CNTN5: variants seen among roughly 807,000 people sequenced by gnomAD.
CNTN5 encodes the protein contactin 5, also known as contactin-5.
Under a neutral mutation model 129.1 loss-of-function variants are expected in CNTN5, and 77 were observed. That is an observed-to-expected ratio of 0.60 (90% CI 0.50 to 0.72). The LOEUF (loss-of-function observed/expected upper bound fraction) is 0.72. Among genes scored for constraint, CNTN5 ranks in the 30% least tolerant of loss-of-function variants. CNTN5 has a pLI of 0.00. For missense variants in CNTN5, 1,478 were observed against 1,328.8 expected (o/e 1.11, Z -1.75); for synonymous variants, 509 against 465.6 (o/e 1.09, Z -1.20).
intron 7 of CNTN5, among the ~76,000 whole-genome samples, chr11:99,945,202 A>G (rs1186459461): frequency 6.6e-6 from 1 of 152,092 alleles, no homozygotes; most frequent in Non-Finnish European, 1.5e-5. Flanking sequence ...CTGTATAAAG[A>G]GTAAAACTAC....
At chr11:99,925,493 A>G (rs574537747) in intron 7 of CNTN5, among the ~76,000 whole-genome samples, 2 of 152,288 alleles carry the variant, frequency 1.3e-5, no homozygotes, top group African/African-American at 2.4e-5. Flanking sequence ...GTTTGGAAAT[A>G]ATAGTCAAAA....
At chr11:100,338,947 G>C (rs1430694469) in intron 21 of CNTN5, among the ~76,000 whole-genome samples, 3 of 152,024 alleles carry the variant, frequency 2.0e-5, no homozygotes, top group Non-Finnish European at 4.4e-5. Context: ...CTGTAACCCT[G>C]GAACCCCAGA....
At chr11:99,436,908 A>T (rs1399173385) in intron 2 of CNTN5, among the ~76,000 whole-genome samples, 2 of 151,918 alleles carry the variant, frequency 1.3e-5, no homozygotes, top group African/African-American at 2.4e-5. Context: ...ATTTATAATA[A>T]CCTCTCCCTA....
chr11:99,729,120 T>G (rs1943445160), intron 3 of CNTN5, among the ~76,000 whole-genome samples: 1 of 152,192 alleles, frequency 6.6e-6, no homozygotes, highest in Non-Finnish European at 1.5e-5. Context: ...GATAGGCATC[T>G]TTATGTCTTT....
Position 99,916,076 on chromosome 11 carries a change from G to C in CNTN5, c.600G>C (p.Arg200=). 6.2e-7 allele frequency: 1 copy of C among 1,612,220 alleles called. No individual in the cohort carries two copies. Among genetic ancestry groups the C allele is most frequent in the East Asian group, 2.2e-5 (1 of 44,760 alleles). The change falls in exon 7 of 25, where the codon CGG becomes CGC. Residue 200 remains arginine, a synonymous_variant. Transcript: ENST00000524871. ...CAGATCTGGGAAATTTTAGTGGCCG[G>C]ACAAGAAGTGCAGTCTCTGTGAGGG... ...QFAYLGNFSG[R]TRSAVSVREG... is the part of the protein sequence containing the mutation.
intron 9 of CNTN5, among the ~76,000 whole-genome samples, chr11:100,018,255 T>G (rs1940940308): frequency 6.6e-6 from 1 of 151,930 alleles, no homozygotes; most frequent in Admixed American, 6.6e-5. Flanking sequence ...AATAAGCATA[T>G]CCAGTACCTA....
chr11:99,901,354 G>A (rs1032427986), intron 6 of CNTN5, among the ~76,000 whole-genome samples: 8 of 151,892 alleles, frequency 5.3e-5, no homozygotes, highest in African/African-American at 1.7e-4. Context: ...GCAGCGGCAC[G>A]ATCTTGGCTC....
chr11:99,880,543 T>C (rs1948745463), intron 6 of CNTN5, among the ~76,000 whole-genome samples: 1 of 152,150 alleles, frequency 6.6e-6, no homozygotes, highest in Non-Finnish European at 1.5e-5. Flanking sequence ...ATGAAATCCT[T>C]ATTTCATGCC....
At chr11:99,844,556 T>A (rs553167946) in intron 4 of CNTN5, 17 of 384,148 alleles carry the variant, frequency 4.4e-5, no homozygotes, top group Non-Finnish European at 6.8e-5. Context: ...TTATTATCCT[T>A]CAGTCTGATT....
At chr11:99,914,461 A>G (rs558449986) in intron 6 of CNTN5, among the ~76,000 whole-genome samples, 2 of 152,158 alleles carry the variant, frequency 1.3e-5, no homozygotes, top group Non-Finnish European at 2.9e-5. Flanking sequence ...ATGTTGTATT[A>G]TCTCATACAT....
Position 99,576,446 on chromosome 11 carries a change from A to G in CNTN5, c.55+20177A>G, listed in dbSNP as rs545762346. On this transcript the variant is annotated intron_variant, in intron 3 of 24. Coordinates refer to ENST00000524871, the MANE Select transcript of CNTN5 (RefSeq NM_014361.4). ...GGATATTTTCTCCTTATTGACATATAACCCTTTTGGTAGCCTTTCATTGAT... is the reference window on the plus strand; with the variant it reads ...GGATATTTTCTCCTTATTGACATATGACCCTTTTGGTAGCCTTTCATTGAT... Among the ~76,000 whole-genome samples the G allele has an allele frequency of 4.6e-5, 7 of 152,276 alleles. No homozygotes were observed. In the South Asian group the frequency reaches 1.2e-3, roughly 27 times the overall value.
intron 1 of CNTN5, among the ~76,000 whole-genome samples, chr11:99,288,353 T>A (rs185182549): frequency 6.6e-6 from 1 of 152,080 alleles, no homozygotes; most frequent in African/African-American, 2.4e-5. Flanking sequence ...AATGTTCCAA[T>A]GGTTCTCTGG....
Position 99,307,757 on chromosome 11 carries a change from C to A in CNTN5, c.-209-17589C>A, listed in dbSNP as rs185123210. Among the ~76,000 whole-genome samples the A allele has an allele frequency of 5.8e-4, 88 of 152,080 alleles. 1 individual carries two copies. Among genetic ancestry groups the A allele is most frequent in the African/African-American group, 2.1e-3 (86 of 41,486 alleles). On this transcript the variant is annotated intron_variant, in intron 1 of 24. Coordinates refer to ENST00000524871, the MANE Select transcript of CNTN5 (RefSeq NM_014361.4). ...ATGGGAGGCCTGTCAAGTTGGAGGCCAATTTTTTGCTATTAAACAGATCGG... is the reference window on the plus strand; with the variant it reads ...ATGGGAGGCCTGTCAAGTTGGAGGCAAATTTTTTGCTATTAAACAGATCGG...
At chr11:99,361,375 G>A (rs2136108717) in intron 2 of CNTN5, among the ~76,000 whole-genome samples, 1 of 152,230 alleles carries the variant, frequency 6.6e-6, no homozygotes, top group African/African-American at 2.4e-5. Context: ...CATTAGACAA[G>A]AGTTAGACAC....
chr11:100,239,646 G>A (rs1322717965), intron 16 of CNTN5, among the ~76,000 whole-genome samples: 2 of 152,098 alleles, frequency 1.3e-5, no homozygotes, highest in Non-Finnish European at 2.9e-5. Context: ...TAATTGCAAA[G>A]TAGAATAATC....
At chr11:99,231,953 G>T (rs140521523) in intron 1 of CNTN5, among the ~76,000 whole-genome samples, 183 of 152,120 alleles carry the variant, frequency 1.2e-3, no homozygotes, top group African/African-American at 4.2e-3. Flanking sequence ...AAGATCAGCT[G>T]GTTGTAGTTG....
At chr11:99,733,187 G>A (rs904684183) in intron 3 of CNTN5, among the ~76,000 whole-genome samples, 5 of 152,038 alleles carry the variant, frequency 3.3e-5, no homozygotes, top group Admixed American at 6.6e-5. Flanking sequence ...GCCGAGCATG[G>A]TGAGGGGTGC....
intron 3 of CNTN5, among the ~76,000 whole-genome samples, chr11:99,593,109 G>C (rs2135673550): frequency 6.6e-6 from 1 of 152,192 alleles, no homozygotes; most frequent in East Asian, 1.9e-4. Flanking sequence ...AACTAGCTTA[G>C]ATACCTCTCT....
chr11:99,666,609 C>T (rs1952801633), intron 3 of CNTN5, among the ~76,000 whole-genome samples: 1 of 152,174 alleles, frequency 6.6e-6, no homozygotes, highest in African/African-American at 2.4e-5. Flanking sequence ...AGCTCCGAAA[C>T]AGTCTTACAG....
Sources: allele counts gnomAD v4.1 joint callset (sites outside exome capture counted in the v4.1 genomes callset), GRCh38; gene constraint gnomAD v4.1.1; transcripts MANE v1.5; gene names NCBI Gene and HGNC (gene_info 2026-07-23, HGNC 2026-07-21).